Variants in DNAH1 observed in about 807,000 individuals in gnomAD.
DNAH1 encodes dynein axonemal heavy chain 1.
DNAH1 carries 327 observed loss-of-function variants against 484.3 expected under a neutral mutation model. That is an observed-to-expected ratio of 0.68 (90% CI 0.62 to 0.74). DNAH1 has a LOEUF of 0.74. DNAH1 is among the 30% of genes least tolerant of loss of function. DNAH1 has a pLI of 0.00. For synonymous variants in DNAH1, 2,192 were observed against 2,191.9 expected, an observed-to-expected ratio of 1.00 and a Z score of 0.00; for missense variants, 5,052 against 5,546.8, an observed-to-expected ratio of 0.91 and a Z score of 2.83.
rs1399692117 is a variant in DNAH1 at position 52,358,849 on chromosome 3, G to T, written c.4266+112G>T. 18 of 1,300,334 alleles carry T rather than the reference G, an allele frequency of 1.4e-5. No homozygotes were observed. The highest frequency in any genetic ancestry group is 1.9e-5 in the Non-Finnish European group (18 of 940,402). The allele number at this position is 1,300,334 out of a possible 1,614,324, so 80.5% of individuals were successfully genotyped here. A position where few individuals can be genotyped will look rare whatever the true frequency, so the allele number is the denominator to read the frequency against. On this transcript the variant is annotated intron_variant, in intron 25 of 77. Transcript: ENST00000420323. The surrounding 1 kb of genome is among the most constrained non-coding windows in gnomAD (Gnocchi z 4.2). ...CTCAGGCTGCAGCCCTGAGGTCCCT[G>T]GGGGCTCAGGCGGGATTCTGGAGTC...
In DNAH1 at chr3:52,347,864, G is replaced by C; in HGVS notation, c.1996G>C (p.Asp666His). 6.2e-7 allele frequency: 1 copy of C among 1,603,590 alleles called. No homozygotes were observed. Residue 666 changes from aspartate (D) to histidine (H), a missense_variant, in exon 12 of 78, where the codon GAC becomes CAC. Transcript: ENST00000420323. ...NPLFIMDLVL[D>H]SSGVHYSTPL... ...CCTGTTCATCATGGACCTGGTGCTG[G>C]ACAGCTCTGGGGTGCACTATAGCAC...
At chr3:52,371,437 G>A (rs947864270) in intron 41 of DNAH1, among the ~76,000 whole-genome samples, 1 of 152,222 alleles carries the variant, frequency 6.6e-6, no homozygotes, top group Non-Finnish European at 1.5e-5. Flanking sequence ...CCCCCATCAG[G>A]GGACGTCTGC....
At chr3:52,334,691 G>T (rs999288244) in intron 8 of DNAH1, among the ~76,000 whole-genome samples, 2 of 152,098 alleles carry the variant, frequency 1.3e-5, no homozygotes, top group African/African-American at 4.8e-5. Flanking sequence ...TACTTGGGAG[G>T]CTGAGGCCCT....
chr3:52,391,207 A>G lies in DNAH1; in HGVS notation c.9770A>G (p.Lys3257Arg). Reference protein sequence around the residue: ...MEKDNGLDVFKLSDRDFLRSM... With the variant: ...MEKDNGLDVFRLSDRDFLRSM... ...AAGGACAATGGGCTGGATGTGTTCA[A>G]GTTGAGTGACCGCGACTTCCTGCGC... Residue 3257 changes from lysine (K) to arginine (R), a missense_variant, in exon 62 of 78, where the codon AAG (lysine) becomes AGG (arginine). Coordinates refer to ENST00000420323, the MANE Select transcript of DNAH1 (RefSeq NM_015512.5). The G allele has an allele frequency of 6.2e-7, 1 of 1,613,948 alleles. No individual in the cohort carries two copies. The highest frequency in any genetic ancestry group is 1.3e-5 in the African/African-American group (1 of 75,046).
rs200158571 is a variant in DNAH1, at chr3:52,390,959, C to G, written c.9646C>G (p.Leu3216Val). 1.2e-3 allele frequency: 1,850 copies of G among 1,552,314 alleles called. 1 individual carries two copies. The highest frequency in any genetic ancestry group is 2.0e-3 in the Middle Eastern group (12 of 5,986). ...WQIAGLPNDT[L>V]SVENGVINQF... ...GATCGCTGGCCTCCCCAACGACACA[C>G]TGTCAGTGGAGAACGGGGTCATCAA... is the stretch of plus-strand genomic sequence containing the variant. Residue 3216 changes from leucine (L) to valine (V), a missense_variant, in exon 61 of 78, where the codon CTG becomes GTG. Physicochemically the swap from Leu to Val is conservative, Grantham distance 32. Around this residue, in one of 4 missense-constraint regions of DNAH1, gnomAD observed 2,929 missense variants for 3,409.4 expected, o/e 0.86. Transcript: ENST00000420323.
Position 52,400,404 on chromosome 3 carries a change from G to A in DNAH1, c.12756G>A (p.Trp4252Ter), listed in dbSNP as rs1343445505. 6.2e-7 allele frequency: 1 copy of A among 1,613,952 alleles called. No individual in the cohort carries two copies. The highest frequency in any genetic ancestry group is 1.3e-5 in the African/African-American group (1 of 74,952). ...CCACCCATCAGCCCCAGCGACACTG[G>A]ATAAAGCGTGGTGTGGCCCTCATCT... ...EIPTHQPQRHWIKRGVALICA... is the reference protein window; with the variant it reads ...EIPTHQPQRH Residue 4252 changes from tryptophan (W) to a stop codon, truncating the protein, a stop_gained, in exon 78 of 78, where the codon TGG (tryptophan) becomes TGA (stop). Coordinates refer to ENST00000420323, the MANE Select transcript of DNAH1 (RefSeq NM_015512.5). LOFTEE classifies it high-confidence loss of function.
At chr3:52,374,240 T>C (rs1455713423) in intron 44 of DNAH1, 4 of 1,442,880 alleles carry the variant, frequency 2.8e-6, no homozygotes, top group Non-Finnish European at 3.9e-6. Context: ...ACTGGAAATA[T>C]TGGGAAGTAT....
chr3:52,311,992 T>C (rs1190832512), upstream of DNAH1, among the ~76,000 whole-genome samples: 2 of 152,144 alleles, frequency 1.3e-5, no homozygotes, highest in Non-Finnish European at 2.9e-5. Context: ...CCCAACCTGC[T>C]TCCCAGCCCA....
At chr3:52,400,301 C>A (rs531369734) in intron 77 of DNAH1, 24 bp from the exon 78 acceptor site, 1 of 1,613,502 alleles carries the variant, frequency 6.2e-7, no homozygotes, top group East Asian at 2.2e-5. Flanking sequence ...TGACCTAACC[C>A]GTCCCCCTCC....
intron 8 of DNAH1, among the ~76,000 whole-genome samples, chr3:52,343,449 G>A (rs73837051): frequency 2.6e-5 from 4 of 152,046 alleles, no homozygotes; most frequent in African/African-American, 4.8e-5. Flanking sequence ...TCTGAGTTCC[G>A]GATGAAATTC....
At chr3:52,393,708 A>T (rs1295927438) in intron 66 of DNAH1, among the ~76,000 whole-genome samples, 1 of 152,216 alleles carries the variant, frequency 6.6e-6, no homozygotes, top group Non-Finnish European at 1.5e-5. Context: ...ACTTGAGGCC[A>T]GGAGTTCAAG....
intron 5 of DNAH1, among the ~76,000 whole-genome samples, chr3:52,327,453 C>T (rs1701388364): frequency 6.6e-6 from 1 of 152,164 alleles, no homozygotes; most frequent in East Asian, 1.9e-4. Flanking sequence ...CTAAGGGCTA[C>T]CTCCTGACAG....
In DNAH1 at chr3:52,368,582, CA is replaced by C. The variant is rs1703180440; in HGVS notation, c.5766-152del. ...ATGTTTTCATTACACCATGTGACAC[CA>C]AAAAAATCCCACTTTTCCTATTATA... is the stretch of plus-strand genomic sequence containing the variant. On this transcript the variant is annotated intron_variant, in intron 36 of 77. Transcript: ENST00000420323. This position sits in a 1 kb window ranked among gnomAD's most constrained non-coding sequence, Gnocchi z 4.4. Among the ~76,000 whole-genome samples the C allele has an allele frequency of 6.6e-6, 1 of 152,038 alleles. No homozygotes were observed. Among genetic ancestry groups the C allele is most frequent in the Admixed American group, 6.5e-5 (1 of 15,280 alleles).
At position 52,351,911 on chromosome 3, in the gene DNAH1, C is replaced by T. The variant is rs376262861; in HGVS notation, c.2730-51C>T. ...ATGCCCCTGCCTGGTCTTGCCACTC[C>T]ACCACTTCAGCCGCGATATTTCTCC... is the stretch of plus-strand genomic sequence containing the variant. On this transcript the variant is annotated intron_variant, in intron 16 of 77. Transcript: ENST00000420323. The T allele has an allele frequency of 3.2e-4, 507 of 1,571,628 alleles. 3 individuals are homozygous for T. In the Middle Eastern group the frequency reaches 7.1e-3, roughly 22 times the overall value.
Position 52,391,615 on chromosome 3 carries a change from C to T in DNAH1, c.10052+12C>T, listed in dbSNP as rs759497997. ...ACCCTGTCGCCCAGGTGAGCCCCCA[C>T]TCTTGGGGACGCCCAAGCATCAGCT... On this transcript the variant is annotated intron_variant, in intron 63 of 77. Coordinates refer to ENST00000420323, the MANE Select transcript of DNAH1 (RefSeq NM_015512.5). The T allele has an allele frequency of 1.2e-6, 2 of 1,613,508 alleles. No homozygotes were observed. Among genetic ancestry groups the T allele is most frequent in the African/African-American group, 1.3e-5 (1 of 75,024 alleles).
chr3:52,388,660 G>T, intron 58 of DNAH1, 51 bp downstream of exon 58: 1 of 1,611,004 alleles, frequency 6.2e-7, no homozygotes, highest in East Asian at 2.2e-5. Flanking sequence ...CCCAGACAGG[G>T]GCCAGAAAGG....
In DNAH1 at chr3:52,364,769, G is replaced by A. The variant is rs780813690; in HGVS notation, c.5331+45G>A. On this transcript the variant is annotated intron_variant, in intron 33 of 77. Transcript: ENST00000420323. The surrounding 1 kb of genome is among the most constrained non-coding windows in gnomAD (Gnocchi z 4.2). ...GCTCCAGGAGTGGAACTCTGGGAGGGCTCCTGGGCAGCTGGAGGGCAGCTG... is the reference window on the plus strand; with the variant it reads ...GCTCCAGGAGTGGAACTCTGGGAGGACTCCTGGGCAGCTGGAGGGCAGCTG... 3 of 1,606,460 alleles carry A rather than the reference G, an allele frequency of 1.9e-6. No individual in the cohort carries two copies. Among genetic ancestry groups the A allele is most frequent in the East Asian group, 4.5e-5 (2 of 44,828 alleles).
rs375789986 is a variant in DNAH1 at position 52,335,625 on chromosome 3, CTTTTGTT to C, written c.1286+3246_1286+3252del. On this transcript the variant is annotated intron_variant, in intron 8 of 77. Coordinates refer to ENST00000420323, the MANE Select transcript of DNAH1 (RefSeq NM_015512.5). Reference sequence around the variant, plus strand: ...CACCCGGCCCTTTTGCTCTTTTTCCCTTTTGTTTTTTGTTTTTTGTTGTTTTGAGATG... The same window carrying C: ...CACCCGGCCCTTTTGCTCTTTTTCCCTTTTGTTTTTTGTTGTTTTGAGATG... 3.1e-3 allele frequency among the ~76,000 whole-genome samples: 409 copies of C among 133,746 alleles called. 1 individual carries two copies. The highest frequency in any genetic ancestry group is 6.0e-3 in the Middle Eastern group (1 of 166). 87.7% of individuals were successfully genotyped at this position (133,746 alleles called of 152,430 possible). A position where few individuals can be genotyped will look rare whatever the true frequency, so the allele number is the denominator to read the frequency against.
At chr3:52,375,874 C>A (rs1578170152) in intron 45 of DNAH1, 81 bp from the exon 46 acceptor site, 1 of 1,518,354 alleles carries the variant, frequency 6.6e-7, no homozygotes, top group Middle Eastern at 1.7e-4. Context: ...ATGCTGTTTC[C>A]CCCACCATCT....
Sources: gnomAD v4.1 joint callset for allele counts (sites outside exome capture counted in the v4.1 genomes callset) on GRCh38, gnomAD v4.1.1 for gene constraint, gnomAD v4.1.1 regional missense constraint, Gnocchi (gnomAD v3.1) non-coding constraint, MANE v1.5 for transcripts, NCBI Gene and HGNC (gene_info 2026-07-23, HGNC 2026-07-21) for gene names.